Variants in NEBL observed in about 807,000 individuals in gnomAD.
NEBL encodes nebulette.
NEBL carries 122 observed loss-of-function variants against 140.2 expected under a neutral mutation model. That is an observed-to-expected ratio of 0.87 (90% CI 0.75 to 1.01). The LOEUF is 1.01. Ranked by LOEUF, NEBL falls within the 50% of genes least tolerant of loss-of-function variation. The pLI is 0.00. For synonymous variants in NEBL, 436 were observed against 398.9 expected (o/e 1.09, Z -1.11); for missense variants, 1,365 against 1,231.3 (o/e 1.11, Z -1.62).
intron 2 of NEBL, among the ~76,000 whole-genome samples, chr10:21,040,655 A>C (rs1834231062): frequency 6.6e-6 from 1 of 151,840 alleles, no homozygotes; most frequent in African/African-American, 2.4e-5. Context: ...CCCACTACCA[A>C]CCTTAGGAAT....
upstream of NEBL, among the ~76,000 whole-genome samples, chr10:20,898,591 T>TA (rs1274582026): frequency 6.6e-6 from 1 of 152,152 alleles, no homozygotes; most frequent in East Asian, 1.9e-4. Flanking sequence ...GCAGGTTTCT[T>TA]AAACAAATAT....
At chr10:20,967,780 G>A (rs953083932) in intron 3 of NEBL, among the ~76,000 whole-genome samples, 3 of 152,064 alleles carry the variant, frequency 2.0e-5, no homozygotes, top group Non-Finnish European at 4.4e-5. Context: ...ATTTGATGGC[G>A]AATTCACACG....
At chr10:21,236,741 A>C (rs1258911650) in intron 3 of NEBL, among the ~76,000 whole-genome samples, 1 of 152,202 alleles carries the variant, frequency 6.6e-6, no homozygotes, top group Non-Finnish European at 1.5e-5. Context: ...TTTAGGCCCC[A>C]AAATGAACCC....
At chr10:21,061,806 CA>C (rs566553160) in intron 2 of NEBL, among the ~76,000 whole-genome samples, 126 of 152,264 alleles carry the variant, frequency 8.3e-4, no homozygotes, top group Admixed American at 1.2e-3. Context: ...GACTGCTTGG[CA>C]GGGGTTTCTC....
chr10:21,244,909 C>T (rs957507221), intron 3 of NEBL, among the ~76,000 whole-genome samples: 1 of 151,532 alleles, frequency 6.6e-6, no homozygotes, highest in Non-Finnish European at 1.5e-5. Flanking sequence ...GTAATCCCAG[C>T]ACTTCAGGAG....
chr10:20,842,264 A>C (rs1371204074), intron 12 of NEBL, among the ~76,000 whole-genome samples: 2 of 152,130 alleles, frequency 1.3e-5, no homozygotes, highest in African/African-American at 2.4e-5. Context: ...AGTGAAAGTC[A>C]GACCTCTTTC....
intron 1 of NEBL, among the ~76,000 whole-genome samples, chr10:21,288,843 TATATATA>T (rs779054513): frequency 0.059 from 5,767 of 97,492 alleles, 393 homozygotes; most frequent in Admixed American, 0.11. Context: ...TATATATATA[TATATATA>T]AAAATTTTTT....
chr10:20,944,134 C>T (rs988222505), intron 4 of NEBL, among the ~76,000 whole-genome samples: 1 of 152,176 alleles, frequency 6.6e-6, no homozygotes, highest in Admixed American at 6.5e-5. Context: ...CGCAGTGGCT[C>T]AATGCCTGTA....
At chr10:20,831,775 A>T (rs1840447440) in intron 14 of NEBL, among the ~76,000 whole-genome samples, 192 bp from the exon 15 acceptor site, 1 of 152,146 alleles carries the variant, frequency 6.6e-6, no homozygotes, top group African/African-American at 2.4e-5. Flanking sequence ...TTCACCAGTA[A>T]TCAGAACAAT....
At chr10:20,874,660 C>T (rs1845305898) in intron 5 of NEBL, among the ~76,000 whole-genome samples, 1 of 152,218 alleles carries the variant, frequency 6.6e-6, no homozygotes, top group African/African-American at 2.4e-5. Context: ...AACAGAATCT[C>T]ATTTTTCACT....
At chr10:20,919,057 A>G (rs1013132265) in intron 4 of NEBL, among the ~76,000 whole-genome samples, 4 of 152,138 alleles carry the variant, frequency 2.6e-5, no homozygotes, top group African/African-American at 9.7e-5. Context: ...CATTTCAGAA[A>G]GATTCCAAAT....
intron 14 of NEBL, among the ~76,000 whole-genome samples, chr10:20,831,930 T>C (rs977810503): frequency 1.4e-4 from 22 of 152,200 alleles, no homozygotes; most frequent in African/African-American, 5.1e-4. Context: ...GTAAAATTGC[T>C]GTTTTTCACT....
chr10:21,152,348 C>A (rs1840175584), intron 2 of NEBL, among the ~76,000 whole-genome samples: 1 of 152,186 alleles, frequency 6.6e-6, no homozygotes, highest in Non-Finnish European at 1.5e-5. Context: ...CCAAAGGCAT[C>A]CAATGAGCAT....
intron 1 of NEBL, among the ~76,000 whole-genome samples, chr10:21,258,705 C>CA (rs1186230327): frequency 2.0e-5 from 3 of 151,086 alleles, no homozygotes; most frequent in Non-Finnish European, 3.0e-5. Flanking sequence ...AACACCATCT[C>CA]AAAAAAAATA....
At chr10:20,852,684 A>G (rs993569418) in intron 9 of NEBL, 35 bp from the exon 10 acceptor site, 1 of 1,470,868 alleles carries the variant, frequency 6.8e-7, no homozygotes, top group Non-Finnish European at 9.5e-7. Flanking sequence ...ACTTAGAATC[A>G]AAGAGACTGA....
At chr10:21,031,883 T>C (rs1207903301) in intron 2 of NEBL, among the ~76,000 whole-genome samples, 5 of 152,320 alleles carry the variant, frequency 3.3e-5, no homozygotes, top group African/African-American at 1.2e-4. Context: ...CTCACATTCA[T>C]TGCACATAAA....
At chr10:21,213,620 A>T (rs1020319706) in intron 3 of NEBL, among the ~76,000 whole-genome samples, 2 of 152,164 alleles carry the variant, frequency 1.3e-5, no homozygotes, top group African/African-American at 4.8e-5. Context: ...CTTAGCAATG[A>T]GAATGTCCCG....
chr10:21,209,113 G>T (rs1841875416), intron 3 of NEBL, among the ~76,000 whole-genome samples: 2 of 152,192 alleles, frequency 1.3e-5, no homozygotes, highest in Non-Finnish European at 2.9e-5. Flanking sequence ...TTGCAAGATG[G>T]TGCCAGGTAT....
At chr10:20,815,597 A>G (rs1838645888) in intron 22 of NEBL, 28 bp downstream of exon 22, 1 of 1,492,704 alleles carries the variant, frequency 6.7e-7, no homozygotes, top group South Asian at 1.1e-5. Context: ...ATCCTTTGTG[A>G]TAGTCTAAAA....
Sources: gnomAD v4.1 joint callset for allele counts (sites outside exome capture counted in the v4.1 genomes callset) on GRCh38, gnomAD v4.1.1 for gene constraint, MANE v1.5 for transcripts, NCBI Gene and HGNC (gene_info 2026-07-23, HGNC 2026-07-21) for gene names.